Variants in USP40 observed in about 807,000 individuals in gnomAD.
USP40 encodes ubiquitin specific peptidase 40.
A neutral mutation model predicts 166.2 loss-of-function variants in USP40; 143 were observed. The ratio of observed to expected loss-of-function variants is 0.86; its 90% confidence interval spans 0.75 to 0.99. The LOEUF is 0.99. Ranked by LOEUF, USP40 falls within the 50% of genes least tolerant of loss-of-function variation. USP40 has a pLI of 0.00. For synonymous variants in USP40, 498 were observed against 524.0 expected, an observed-to-expected ratio of 0.95 and a Z score of 0.68; for missense variants, 1,444 against 1,479.7, an observed-to-expected ratio of 0.98 and a Z score of 0.40.
chr2:233,535,539 A>AC (rs904098372), intron 10 of USP40, among the ~76,000 whole-genome samples: 21 of 152,212 alleles, frequency 1.4e-4, no homozygotes, highest in African/African-American at 4.8e-4. Flanking sequence ...AAGGACCATG[A>AC]CCCAGGGCTA....
At chr2:233,531,740 A>T (rs1255591889) in intron 11 of USP40, among the ~76,000 whole-genome samples, 1 of 152,232 alleles carries the variant, frequency 6.6e-6, no homozygotes, top group Non-Finnish European at 1.5e-5. Context: ...CTTCATAAAA[A>T]TGATGGTTAT....
rs557080943 is a variant in USP40 at position 233,498,634 on chromosome 2, G to A, written c.2651-22C>T. 2.5e-6 allele frequency: 4 copies of A among 1,606,542 alleles called. No individual in the cohort carries two copies. In the South Asian group the frequency reaches 4.5e-5, roughly 18 times the overall value. The stretch of plus-strand genomic sequence containing the variant: ...TCTCCTATAAAGGAGTCAAAATTGG[G>A]ATAAAAAAAATTCAAAGTTAGGTGA... On this transcript the variant is annotated intron_variant, in intron 22 of 31. Transcript: ENST00000678225.
At chr2:233,555,815 T>C (rs1254551715) in intron 5 of USP40, among the ~76,000 whole-genome samples, 1 of 151,970 alleles carries the variant, frequency 6.6e-6, no homozygotes, top group Non-Finnish European at 1.5e-5. Flanking sequence ...ATTAACACCT[T>C]TGAAAATGCT....
At chr2:233,515,676 G>A (rs1423202046) in intron 18 of USP40, among the ~76,000 whole-genome samples, 1 of 152,064 alleles carries the variant, frequency 6.6e-6, no homozygotes, top group African/African-American at 2.4e-5. Context: ...AAGAGTAGAA[G>A]TTTAAAATTT....
intron 1 of USP40, among the ~76,000 whole-genome samples, chr2:233,565,859 G>A (rs1179804850): frequency 6.6e-6 from 1 of 152,148 alleles, no homozygotes; most frequent in Non-Finnish European, 1.5e-5. Context: ...CATAACGAAA[G>A]AAGGGCAGTT....
At chr2:233,496,898 TAAAACCC>T in intron 23 of USP40, 66 bp from the exon 24 acceptor site, 1 of 1,176,124 alleles carries the variant, frequency 8.5e-7, no homozygotes, top group Non-Finnish European at 1.2e-6. Context: ...TTGATCTTTT[TAAAACCC>T]CATGCCTCTA....
Position 233,486,845 on chromosome 2 carries a change from G to A in USP40, c.3198-868C>T, listed in dbSNP as rs901038176. ...GAGGGGGCTGCTGGCCAGGGAGTGA[G>A]GCCAAGGCCTGGAGCCCAGCACAGT... is the stretch of plus-strand genomic sequence containing the variant. On this transcript the variant is annotated intron_variant, in intron 28 of 31. Transcript: ENST00000678225. The surrounding 1 kb of genome is among the most constrained non-coding windows in gnomAD (Gnocchi z 4.0). 1.3e-5 allele frequency among the ~76,000 whole-genome samples: 2 copies of A among 152,180 alleles called. No individual in the cohort carries two copies. Among genetic ancestry groups the A allele is most frequent in the Admixed American group, 6.5e-5 (1 of 15,286 alleles).
intron 25 of USP40, among the ~76,000 whole-genome samples, chr2:233,492,147 T>C (rs1360920752): frequency 6.6e-6 from 1 of 152,254 alleles, no homozygotes; most frequent in East Asian, 1.9e-4. Context: ...GTATTTTCAC[T>C]GTACCTTTTT....
intron 13 of USP40, among the ~76,000 whole-genome samples, chr2:233,526,791 A>G (rs1234434336): frequency 6.6e-6 from 1 of 152,210 alleles, no homozygotes; most frequent in Non-Finnish European, 1.5e-5. Flanking sequence ...TCTTTAAATC[A>G]CACTGCCTCA....
intron 21 of USP40, 112 bp downstream of exon 21, chr2:233,509,937 C>G: frequency 1.3e-6 from 1 of 762,310 alleles, no homozygotes; most frequent in Non-Finnish European, 2.2e-6. Context: ...CTGAAGTACA[C>G]CATATCAGGC....
At chr2:233,483,992 C>T (rs944684517) in intron 30 of USP40, among the ~76,000 whole-genome samples, 5 of 152,158 alleles carry the variant, frequency 3.3e-5, no homozygotes, top group African/African-American at 1.2e-4. Context: ...GCTTTCCACC[C>T]TGTCCATGAG....
At chr2:233,479,366 C>T (rs969957436) in intron 31 of USP40, among the ~76,000 whole-genome samples, 2 of 152,100 alleles carry the variant, frequency 1.3e-5, no homozygotes, top group African/African-American at 2.4e-5. Flanking sequence ...AGATTGAGAC[C>T]ATCCTGGCCA....
At chr2:233,491,002 CATGGGCGTG>C (rs1388108500) in intron 26 of USP40, 156 bp downstream of exon 26, 2 of 720,720 alleles carry the variant, frequency 2.8e-6, no homozygotes, top group Non-Finnish European at 5.1e-6. Context: ...CCGTCTGCAC[CATGGGCGTG>C]TATTGCCTGC....
intron 11 of USP40, among the ~76,000 whole-genome samples, chr2:233,531,906 G>C (rs1300009999): frequency 6.6e-6 from 1 of 152,204 alleles, no homozygotes. Flanking sequence ...TGAGGCAGGA[G>C]AATAGGGTCT....
chr2:233,520,585 C>A (rs1414241875), intron 17 of USP40, among the ~76,000 whole-genome samples: 3 of 151,862 alleles, frequency 2.0e-5, no homozygotes, highest in Non-Finnish European at 4.4e-5. Flanking sequence ...TAATGTAAAA[C>A]AATTTAAGAT....
chr2:233,563,694 T>G (rs2071867178), intron 2 of USP40, among the ~76,000 whole-genome samples: 1 of 152,154 alleles, frequency 6.6e-6, no homozygotes, highest in Non-Finnish European at 1.5e-5. Flanking sequence ...ATTCCAAAAT[T>G]TCCCCCGCCA....
At chr2:233,549,558 TA>T (rs1045137754) in intron 7 of USP40, among the ~76,000 whole-genome samples, 13 of 152,178 alleles carry the variant, frequency 8.5e-5, no homozygotes, top group Admixed American at 7.9e-4. Context: ...GAGTCTGTTG[TA>T]GAAATTTTTA....
intron 10 of USP40, among the ~76,000 whole-genome samples, chr2:233,536,018 T>C (rs763264664): frequency 2.2e-4 from 33 of 152,134 alleles, no homozygotes; most frequent in Non-Finnish European, 3.8e-4. Flanking sequence ...AATTTATCAA[T>C]TTGTAATTAA....
At chr2:233,529,584 A>G in intron 11 of USP40, 72 bp from the exon 12 acceptor site, 1 of 1,092,870 alleles carries the variant, frequency 9.2e-7, no homozygotes, top group South Asian at 1.4e-5. Context: ...TAGCATGAAG[A>G]CTAGGAAGGA....
Sources: gnomAD v4.1 joint callset for allele counts (sites outside exome capture counted in the v4.1 genomes callset) on GRCh38, gnomAD v4.1.1 for gene constraint, Gnocchi (gnomAD v3.1) non-coding constraint, MANE v1.5 for transcripts, NCBI Gene and HGNC (gene_info 2026-07-23, HGNC 2026-07-21) for gene names.